ANAPC4: variants seen among roughly 807,000 people sequenced by gnomAD.
The protein encoded by ANAPC4 is anaphase-promoting complex subunit 4.
A neutral mutation model predicts 119.8 loss-of-function variants in ANAPC4; 63 were observed. The ratio of observed to expected loss-of-function variants is 0.53; its 90% CI spans 0.43 to 0.65. The LOEUF (loss-of-function observed/expected upper bound fraction) is 0.65, where lower values mean the gene tolerates loss of function less well. Among genes scored for constraint, ANAPC4 ranks in the 30% least tolerant of loss-of-function variants. ANAPC4 has a pLI of 0.00. For missense variants in ANAPC4, 716 were observed against 945.1 expected, an observed-to-expected ratio of 0.76 and a Z score of 3.18; for synonymous variants, 283 against 318.6, an observed-to-expected ratio of 0.89 and a Z score of 1.19.
At chr4:25,414,200 A>T in intron 22 of ANAPC4, 124 bp from the exon 23 acceptor site, 1 of 620,024 alleles carries the variant, frequency 1.6e-6, no homozygotes, top group Non-Finnish European at 2.7e-6. Flanking sequence ...TTTCTTATGT[A>T]CAAGGTTTGG....
intron 4 of ANAPC4, 58 bp from the exon 5 acceptor site, chr4:25,388,442 T>C (rs1298604013): frequency 8.4e-7 from 1 of 1,187,404 alleles, no homozygotes; most frequent in Non-Finnish European, 1.2e-6. Context: ...GCATTTTTAA[T>C]GGCAAGAGAA....
At position 25,414,325 on chromosome 4, in the gene ANAPC4, A is replaced by T; in HGVS notation, c.1625A>T (p.Asp542Val). The change falls in exon 23 of 29, where the codon GAT becomes GTT. Residue 542 changes from aspartate to valine, a missense_variant and splice_region_variant. Asp to Val is a radical substitution (Grantham distance 152). Coordinates refer to ENST00000315368, the MANE Select transcript of ANAPC4 (RefSeq NM_013367.3). The part of the protein sequence containing the change: ...IIDQCLQKPA[D>V]VIGKSMNQAI... ...ATTTTAAAATCTTATTTTATATAGG[A>T]TGTAATTGGAAAATCGATGAATCAA... 2 of 1,561,628 alleles carry T rather than the reference A, an allele frequency of 1.3e-6. No homozygotes were observed. Among genetic ancestry groups the T allele is most frequent in the Non-Finnish European group, 1.8e-6 (2 of 1,138,452 alleles).
Position 25,390,969 on chromosome 4 carries a change from T to G in ANAPC4, c.659T>G (p.Val220Gly). Residue 220 changes from valine (V) to glycine (G), a missense_variant, in exon 9 of 29, where the codon GTC (valine) becomes GGC (glycine). Val to Gly is a moderately radical substitution (Grantham distance 109, BLOSUM62 -3). Around this residue, in one of 3 missense-constraint regions of ANAPC4, gnomAD observed 202 missense variants for 293.5 expected, o/e 0.69. Transcript: ENST00000315368. ...AGTGATTTGAAATCATTATCAGTGG[T>G]CACAGAAGTCTCTACCAATGGTGCT... ...LSSDLKSLSV[V>G]TEVSTNGASE... 1 of 1,613,968 alleles carries G rather than the reference T, an allele frequency of 6.2e-7. No homozygotes were observed. The highest frequency in any genetic ancestry group is 8.5e-7 in the Non-Finnish European group (1 of 1,179,916).
intron 16 of ANAPC4, among the ~76,000 whole-genome samples, chr4:25,401,024 A>T (rs1722934940): frequency 6.6e-6 from 1 of 152,152 alleles, no homozygotes; most frequent in South Asian, 2.1e-4. Context: ...ATTTCTTATT[A>T]TAGCAGTTCT....
At chr4:25,388,635 C>CA in intron 5 of ANAPC4, 61 bp downstream of exon 5, 1 of 1,554,640 alleles carries the variant, frequency 6.4e-7, no homozygotes, top group Non-Finnish European at 8.8e-7. Flanking sequence ...CTGCTTTTAA[C>CA]ACTGTGACAA....
chr4:25,382,515 G>C (rs1004366831), intron 3 of ANAPC4, among the ~76,000 whole-genome samples: 1 of 152,180 alleles, frequency 6.6e-6, no homozygotes, highest in African/African-American at 2.4e-5. Context: ...AAAAGTGTGC[G>C]TTAAAATGTT....
chr4:25,413,771 T>C, intron 22 of ANAPC4, 29 bp downstream of exon 22: 1 of 1,530,284 alleles, frequency 6.5e-7, no homozygotes, highest in Non-Finnish European at 9.0e-7. Context: ...CATGTCTTTG[T>C]GTAGGAGCAA....
chr4:25,383,609 C>G (rs1383081980), intron 4 of ANAPC4, among the ~76,000 whole-genome samples: 1 of 151,550 alleles, frequency 6.6e-6, no homozygotes, highest in Non-Finnish European at 1.5e-5. Flanking sequence ...GGGCTTGGTT[C>G]CAGACCACTG....
At chr4:25,383,186 G>A (rs1721840241) in intron 3 of ANAPC4, 75 bp from the exon 4 acceptor site, 6 of 1,358,066 alleles carry the variant, frequency 4.4e-6, no homozygotes, top group Non-Finnish European at 5.8e-6. Context: ...AGTAAAACTG[G>A]GCAATAAGGG....
At chr4:25,382,883 G>A (rs1291098617) in intron 3 of ANAPC4, among the ~76,000 whole-genome samples, 1 of 152,174 alleles carries the variant, frequency 6.6e-6, no homozygotes, top group Non-Finnish European at 1.5e-5. Flanking sequence ...CAAGAACAAA[G>A]CAGATGGAAT....
At chr4:25,384,547 G>T (rs1721922403) in intron 4 of ANAPC4, among the ~76,000 whole-genome samples, 1 of 152,180 alleles carries the variant, frequency 6.6e-6, no homozygotes, top group Admixed American at 6.5e-5. Context: ...TTGAAAGATG[G>T]CCAGGCACAG....
intron 9 of ANAPC4, among the ~76,000 whole-genome samples, chr4:25,391,544 T>A (rs926170360): frequency 6.6e-6 from 1 of 152,234 alleles, no homozygotes; most frequent in Admixed American, 6.5e-5. Context: ...ACTAGCACAT[T>A]GCATCTTGTG....
chr4:25,398,057 C>T (rs28669083), intron 16 of ANAPC4, among the ~76,000 whole-genome samples: 67,508 of 151,982 alleles, frequency 0.44, 16,645 homozygotes, highest in Non-Finnish European at 0.54. Context: ...TATGCCATTA[C>T]GCCAAGCTTT....
At chr4:25,399,913 G>A (rs950706443) in intron 16 of ANAPC4, among the ~76,000 whole-genome samples, 8 of 152,182 alleles carry the variant, frequency 5.3e-5, no homozygotes, top group Admixed American at 6.5e-5. Context: ...AGGAGTAGGC[G>A]TCCTGCAGGC....
At chr4:25,413,775 G>GACACTATTGCTCCTACACAAA in intron 22 of ANAPC4, 33 bp downstream of exon 22, 1 of 1,515,986 alleles carries the variant, frequency 6.6e-7, no homozygotes, top group East Asian at 2.3e-5. Flanking sequence ...TCTTTGTGTA[G>GACACTATTGCTCCTACACAAA]GAGCAATAGT....
intron 13 of ANAPC4, 39 bp downstream of exon 13, chr4:25,394,752 C>T (rs1722543833): frequency 4.4e-6 from 7 of 1,597,848 alleles, no homozygotes; most frequent in Non-Finnish European, 6.0e-6. Context: ...TGGCTATGAA[C>T]ACATTCTTAA....
intron 18 of ANAPC4, among the ~76,000 whole-genome samples, chr4:25,406,021 G>A (rs927778974): frequency 7.9e-5 from 12 of 152,166 alleles, no homozygotes; most frequent in African/African-American, 2.7e-4. Context: ...AAGGATTCCT[G>A]TAAGGACTGT....
rs751657642 is a variant in ANAPC4, at chr4:25,409,712, A to G, written c.1446A>G (p.Glu482=). The change falls in exon 21 of 29, where the codon GAA becomes GAG. Residue 482 remains glutamate, a synonymous_variant. Coordinates refer to ENST00000315368, the MANE Select transcript of ANAPC4 (RefSeq NM_013367.3). ...VERVGQYLKD[E]DDDLVSPPNT... is the part of the protein sequence containing the mutation. Reference sequence around the variant, plus strand: ...TGTATTTCTAGTACTTGAAAGATGAAGATGATGATCTTGTGTCACCCCCTA... The same window carrying G: ...TGTATTTCTAGTACTTGAAAGATGAGGATGATGATCTTGTGTCACCCCCTA... 5 of 1,610,670 alleles carry G rather than the reference A, an allele frequency of 3.1e-6. No homozygotes were observed. The East Asian group carries it at 1.1e-4, about 36-fold the overall frequency.
chr4:25,395,321 G>C (rs1722587002), intron 14 of ANAPC4: 1 of 153,570 alleles, frequency 6.5e-6, no homozygotes, highest in African/African-American at 2.4e-5. Flanking sequence ...CAGTTATATG[G>C]CTGGCCCAAA....
Sources: allele counts gnomAD v4.1 joint callset (sites outside exome capture counted in the v4.1 genomes callset), GRCh38; gene constraint gnomAD v4.1.1; regional missense constraint gnomAD v4.1.1; transcripts MANE v1.5; gene names NCBI Gene and HGNC (gene_info 2026-07-23, HGNC 2026-07-21).